The following EPHB3 variants were observed in gnomAD, a reference collection of about 807,000 sequenced individuals.
The protein encoded by EPHB3 is ephrin type-B receptor 3.
EPHB3 carries 33 observed loss-of-function variants against 100.2 expected under a neutral mutation model. The observed-to-expected ratio is 0.33, with a 90% CI of 0.25 to 0.44. The LOEUF is 0.44. EPHB3 is among the 20% of genes least tolerant of loss of function. The pLI, the probability that EPHB3 is intolerant of heterozygous loss-of-function variation, is 1.00. For synonymous variants in EPHB3, 526 were observed against 554.7 expected, an observed-to-expected ratio of 0.95 and a Z score of 0.73; for missense variants, 1,045 against 1,378.3, an observed-to-expected ratio of 0.76 and a Z score of 3.83.
At position 184,581,394 on chromosome 3, in the gene EPHB3, C is replaced by A; in HGVS notation, c.2874C>A (p.Ala958=). ...GGTTTGCATCTTTTGACCTGGTGGC[C>A]CAGATGACGGCAGAGTAAGTGTGCC... The part of the protein sequence containing the change: ...SAGFASFDLV[A]QMTAEDLLRI... The change falls in exon 15 of 16, where the codon GCC becomes GCA. Residue 958 remains alanine (A), a synonymous_variant. Coordinates refer to ENST00000330394, the MANE Select transcript of EPHB3 (RefSeq NM_004443.4). The A allele has an allele frequency of 6.3e-7, 1 of 1,589,208 alleles. No homozygotes were observed. The highest frequency in any genetic ancestry group is 1.2e-5 in the South Asian group (1 of 86,082).
At chr3:184,568,074 G>C (rs1054675151) in intron 1 of EPHB3, among the ~76,000 whole-genome samples, 2 of 152,180 alleles carry the variant, frequency 1.3e-5, no homozygotes, top group African/African-American at 4.8e-5. Flanking sequence ...TTTAGCCCCA[G>C]TGGCGGGGAG....
chr3:184,579,361 C>G lies in EPHB3; in HGVS notation c.1802-116C>G. 5 of 1,473,912 alleles carry G rather than the reference C, an allele frequency of 3.4e-6. No individual in the cohort carries two copies. The highest frequency in any genetic ancestry group is 4.6e-6 in the Non-Finnish European group (5 of 1,091,166). 91.3% of individuals were successfully genotyped at this position (1,473,912 alleles called of 1,614,324 possible). ...TCTCATGGGAGCTGGAGGATTAGGG[C>G]AGCAACACAGAGGAATATGGGGCTG... On this transcript the variant is annotated intron_variant, in intron 9 of 15. Coordinates refer to ENST00000330394, the MANE Select transcript of EPHB3 (RefSeq NM_004443.4). The surrounding 1 kb of genome is among the most constrained non-coding windows in gnomAD (Gnocchi z 5.2).
At chr3:184,568,594 C>CT (rs1364034863) in intron 1 of EPHB3, among the ~76,000 whole-genome samples, 1 of 97,274 alleles carries the variant, frequency 1.0e-5, no homozygotes, top group African/African-American at 3.4e-5. Flanking sequence ...GTTCTATGAC[C>CT]CCCCCCCCAC....
rs1313022937 is a variant in EPHB3, at chr3:184,581,059, G to A, written c.2626G>A (p.Val876Met). Reference sequence around the variant, plus strand: ...GCACCAGCTCATGCTGGACTGCTGGGTGCGGGACCGGAACCTCAGGCCCAA... The same window carrying A: ...GCACCAGCTCATGCTGGACTGCTGGATGCGGGACCGGAACCTCAGGCCCAA... The part of the protein sequence containing the change: ...ALHQLMLDCW[V>M]RDRNLRPKFS... Residue 876 changes from valine to methionine, a missense_variant, in exon 14 of 16, where the codon GTG becomes ATG. Around this residue, in one of 2 missense-constraint regions of EPHB3, gnomAD observed 985 missense variants for 1,331.1 expected, o/e 0.74. Coordinates refer to ENST00000330394, the MANE Select transcript of EPHB3 (RefSeq NM_004443.4). 5 of 1,614,190 alleles carry A rather than the reference G, an allele frequency of 3.1e-6. No individual in the cohort carries two copies. The highest frequency in any genetic ancestry group is 3.3e-5 in the Admixed American group (2 of 60,030).
Position 184,578,821 on chromosome 3 carries a change from G to C in EPHB3, c.1801+355G>C, listed in dbSNP as rs552554636. ...GTTTAGAGAAGAGGAAGGCTTCCTC[G>C]AGGAGGTGGACTTGAGCTGAGCCAG... On this transcript the variant is annotated intron_variant, in intron 9 of 15. Transcript: ENST00000330394. The surrounding 1 kb of genome is among the most constrained non-coding windows in gnomAD (Gnocchi z 4.7). 6.6e-6 allele frequency among the ~76,000 whole-genome samples: 1 copy of C among 152,196 alleles called. No individual in the cohort carries two copies. Among genetic ancestry groups the C allele is most frequent in the Admixed American group, 6.5e-5 (1 of 15,278 alleles).
At position 184,562,328 on chromosome 3, in the gene EPHB3, G is replaced by GCTC; in HGVS notation, c.94_95insTCC (p.Leu31dup). 1 of 1,245,542 alleles carries GCTC rather than the reference G, an allele frequency of 8.0e-7. No individual in the cohort carries two copies. Among genetic ancestry groups the GCTC allele is most frequent in the Non-Finnish European group, 1.0e-6 (1 of 995,756 alleles). 77.2% of individuals were successfully genotyped at this position (1,245,542 alleles called of 1,614,324 possible). A position where few individuals can be genotyped will look rare whatever the true frequency, so the allele number is the denominator to read the frequency against. ...TGCTGCTGCTGCCGCTGCTGCTGCT[G>GCTC]CCCGCCGGCTGCCGGGCGCTGGAAG... On this transcript the variant is annotated inframe_insertion, in exon 1 of 16. Transcript: ENST00000330394. The surrounding 1 kb of genome is among the most constrained non-coding windows in gnomAD (Gnocchi z 4.8).
Position 184,581,051 on chromosome 3 carries a change from A to G in EPHB3, c.2618A>G (p.Asp873Gly), listed in dbSNP as rs1395057131. ...CPTALHQLML[D>G]CWVRDRNLRP... ...ACAGCACTGCACCAGCTCATGCTGG[A>G]CTGCTGGGTGCGGGACCGGAACCTC... Residue 873 changes from aspartate to glycine, a missense_variant, in exon 14 of 16, where the codon GAC becomes GGC. Coordinates refer to ENST00000330394, the MANE Select transcript of EPHB3 (RefSeq NM_004443.4). The G allele has an allele frequency of 6.2e-7, 1 of 1,614,110 alleles. No homozygotes were observed.
rs1714855607 is a variant in EPHB3 at position 184,582,402 on chromosome 3, A to G, written c.*780A>G. The G allele has an allele frequency of 6.6e-6, 1 of 152,226 alleles. No individual in the cohort carries two copies. The highest frequency in any genetic ancestry group is 1.5e-5 in the Non-Finnish European group (1 of 68,060). 9.4% of individuals were successfully genotyped at this position (152,226 alleles called of 1,614,324 possible). ...GGGCCGACAGCAGAATAAAGGCAATAAGATGATTCTCTTGCCCCTTCTTAT... is the reference window on the plus strand; with the variant it reads ...GGGCCGACAGCAGAATAAAGGCAATGAGATGATTCTCTTGCCCCTTCTTAT... On this transcript the variant is annotated 3_prime_UTR_variant, in exon 16 of 16. Coordinates refer to ENST00000330394, the MANE Select transcript of EPHB3 (RefSeq NM_004443.4).
rs997839658 is a variant in EPHB3, at chr3:184,572,392, A to T, written c.184-112A>T. 7 of 1,239,316 alleles carry T rather than the reference A, an allele frequency of 5.6e-6. No homozygotes were observed. In the African/African-American group the frequency reaches 1.1e-4, roughly 19 times the overall value. 76.8% of individuals were successfully genotyped at this position (1,239,316 alleles called of 1,614,324 possible). On this transcript the variant is annotated intron_variant, in intron 2 of 15. Coordinates refer to ENST00000330394, the MANE Select transcript of EPHB3 (RefSeq NM_004443.4). This position sits in a 1 kb window ranked among gnomAD's most constrained non-coding sequence, Gnocchi z 6.6. ...GCCCATATAGCCTGTATGCTCAGCC[A>T]CTGCACACCATAGAAGCATCCCTGT... is the stretch of plus-strand genomic sequence containing the variant.
chr3:184,568,411 G>A (rs1714449300), intron 1 of EPHB3, among the ~76,000 whole-genome samples: 1 of 152,168 alleles, frequency 6.6e-6, no homozygotes, highest in South Asian at 2.1e-4. Context: ...TGGGGGAGTT[G>A]AGAACTTGCT....
chr3:184,579,833 C>A lies in EPHB3; in HGVS notation c.2071C>A (p.His691Asn). The A allele has an allele frequency of 6.2e-7, 1 of 1,613,536 alleles. No homozygotes were observed. Among genetic ancestry groups the A allele is most frequent in the South Asian group, 1.1e-5 (1 of 91,058 alleles). The change falls in exon 11 of 16, where the codon CAC becomes AAC. Residue 691 changes from histidine (H) to asparagine (N), a missense_variant. His to Asn is a moderately conservative substitution (Grantham distance 68, BLOSUM62 1). Around this residue, in one of 2 missense-constraint regions of EPHB3, gnomAD observed 985 missense variants for 1,331.1 expected, o/e 0.74. Transcript: ENST00000330394. The surrounding 1 kb of genome is among the most constrained non-coding windows in gnomAD (Gnocchi z 5.2). The stretch of plus-strand genomic sequence containing the variant: ...GGCCTCCATCATGGGTCAGTTTGAT[C>A]ACCCCAATATAATCCGGCTCGAGGG... ...SEASIMGQFD[H>N]PNIIRLEGVV...
rs1714762475 is a variant in EPHB3 at position 184,579,371 on chromosome 3, G to C, written c.1802-106G>C. ...GCTGGAGGATTAGGGCAGCAACACA[G>C]AGGAATATGGGGCTGGGCTCAGCAG... On this transcript the variant is annotated intron_variant, in intron 9 of 15. Coordinates refer to ENST00000330394, the MANE Select transcript of EPHB3 (RefSeq NM_004443.4). The surrounding 1 kb of genome is among the most constrained non-coding windows in gnomAD (Gnocchi z 5.2). 2.6e-5 allele frequency: 40 copies of C among 1,521,502 alleles called. No homozygotes were observed. In the South Asian group the frequency reaches 5.0e-4, roughly 19 times the overall value. 94.3% of individuals were successfully genotyped at this position (1,521,502 alleles called of 1,614,324 possible).
rs1263537365 is a variant in EPHB3 at position 184,576,924 on chromosome 3, G to A, written c.1095G>A (p.Leu365=). The change falls in exon 5 of 16, where the codon CTG becomes CTA. Residue 365 remains leucine (L), a synonymous_variant. Coordinates refer to ENST00000330394, the MANE Select transcript of EPHB3 (RefSeq NM_004443.4). ...LILEWSEPRD[L]GGRDDLLYNV... The stretch of plus-strand genomic sequence containing the variant: ...TCGAGTGGAGTGAGCCCCGGGACCT[G>A]GGTGGCCGGGATGACCTCCTGTACA... The A allele has an allele frequency of 1.2e-6, 2 of 1,600,694 alleles. No homozygotes were observed. The highest frequency in any genetic ancestry group is 1.7e-5 in the Admixed American group (1 of 59,378).
Position 184,574,629 on chromosome 3 carries a change from C to T in EPHB3, c.857-1201C>T, listed in dbSNP as rs575575045. Reference sequence around the variant, plus strand: ...GAGGGGCTTGGCAGCATGAAGCTGGCTGCGAGGCCATGTTGTCATGAGAAG... The same window carrying T: ...GAGGGGCTTGGCAGCATGAAGCTGGTTGCGAGGCCATGTTGTCATGAGAAG... On this transcript the variant is annotated intron_variant, in intron 3 of 15. Transcript: ENST00000330394. 2.6e-5 allele frequency among the ~76,000 whole-genome samples: 4 copies of T among 152,322 alleles called. No homozygotes were observed. The East Asian group carries it at 5.8e-4, about 22-fold the overall frequency.
In EPHB3 at chr3:184,579,443, G is replaced by A. The variant is rs959559464; in HGVS notation, c.1802-34G>A. ...CATCGCAGGGAGAGGCTGGCTTGAC[G>A]TTACCCTCTCACGCCCACCTCTTCT... is the stretch of plus-strand genomic sequence containing the variant. On this transcript the variant is annotated intron_variant, in intron 9 of 15. Transcript: ENST00000330394. This position sits in a 1 kb window ranked among gnomAD's most constrained non-coding sequence, Gnocchi z 5.2. 21 of 1,606,096 alleles carry A rather than the reference G, an allele frequency of 1.3e-5. No individual in the cohort carries two copies. Among genetic ancestry groups the A allele is most frequent in the South Asian group, 6.6e-5 (6 of 90,704 alleles).
In EPHB3 at chr3:184,572,776, C is replaced by G; in HGVS notation, c.456C>G (p.Asn152Lys). 1 of 1,603,956 alleles carries G rather than the reference C, an allele frequency of 6.2e-7. No homozygotes were observed. The highest frequency in any genetic ancestry group is 8.5e-7 in the Non-Finnish European group (1 of 1,176,496). ...CCTCCTCCCCCTTCTGGATGGAGAA[C>G]CCCTACGTGAAAGTGGACACCATTG... The part of the protein sequence containing the change: ...ASASSPFWME[N>K]PYVKVDTIAP... The change falls in exon 3 of 16, where the codon AAC becomes AAG. Residue 152 changes from asparagine to lysine, a missense_variant. This residue lies in a region of EPHB3 where 985 missense variants were observed against 1,331.1 expected (regional missense o/e 0.74). Transcript: ENST00000330394. This position sits in a 1 kb window ranked among gnomAD's most constrained non-coding sequence, Gnocchi z 6.6.
At chr3:184,564,501 G>A (rs1714335672) in intron 1 of EPHB3, among the ~76,000 whole-genome samples, 1 of 152,244 alleles carries the variant, frequency 6.6e-6, no homozygotes, top group Non-Finnish European at 1.5e-5. Flanking sequence ...AATTCTTAAT[G>A]TGTGCAAAGT....
intron 1 of EPHB3, among the ~76,000 whole-genome samples, chr3:184,567,972 C>A (rs1034292098): frequency 6.6e-6 from 1 of 152,194 alleles, no homozygotes; most frequent in South Asian, 2.1e-4. Flanking sequence ...CTGAGAAAGA[C>A]AGACCATGGC....
Position 184,572,605 on chromosome 3 carries a change from G to A in EPHB3, c.285G>A (p.Gly95=), listed in dbSNP as rs755854692. 1 of 1,551,922 alleles carries A rather than the reference G, an allele frequency of 6.4e-7. No individual in the cohort carries two copies. The highest frequency in any genetic ancestry group is 1.2e-5 in the South Asian group (1 of 80,298). The change falls in exon 3 of 16, where the codon GGG becomes GGA. Residue 95 remains glycine (G), a synonymous_variant. Transcript: ENST00000330394. This position sits in a 1 kb window ranked among gnomAD's most constrained non-coding sequence, Gnocchi z 6.6. ...GCCAGAACAACTGGCTTCGCACGGG[G>A]TTCATCTGGCGGCGGGATGTGCAGC... ...ESSQNNWLRT[G]FIWRRDVQRV... is the part of the protein sequence containing the mutation.
Sources: gnomAD v4.1 joint callset for allele counts (sites outside exome capture counted in the v4.1 genomes callset) on GRCh38, gnomAD v4.1.1 for gene constraint, gnomAD v4.1.1 regional missense constraint, Gnocchi (gnomAD v3.1) non-coding constraint, MANE v1.5 for transcripts, NCBI Gene and HGNC (gene_info 2026-07-23, HGNC 2026-07-21) for gene names.